Variants in NUBP2 observed in about 807,000 individuals in gnomAD.
The protein encoded by NUBP2 is cytosolic Fe-S cluster assembly factor NUBP2.
Under a neutral mutation model 24.9 loss-of-function variants are expected in NUBP2, and 23 were observed. The ratio of observed to expected loss-of-function variants is 0.92; its 90% CI spans 0.66 to 1.31. The LOEUF is 1.31. Ranked by LOEUF, NUBP2 falls within the 50% of genes most tolerant of loss-of-function variation. NUBP2 has a pLI of 0.00. For synonymous variants in NUBP2, 186 were observed against 170.9 expected (o/e 1.09, Z -0.69); for missense variants, 403 against 386.5 (o/e 1.04, Z -0.36).
rs756352153 is a variant in NUBP2, at chr16:1,785,872, C to T, written c.17-665C>T. The T allele has an allele frequency of 2.6e-5, 33 of 1,289,028 alleles. No homozygotes were observed. The South Asian group carries it at 3.8e-4, about 15-fold the overall frequency. 79.8% of individuals were successfully genotyped at this position (1,289,028 alleles called of 1,614,324 possible). On this transcript the variant is annotated intron_variant, in intron 1 of 6. Transcript: ENST00000262302. Reference sequence around the variant, plus strand: ...CGGGGATGGAGCAGCTTGCTGGAGACAAGGGGCATGGCCTCAGCGGTGGCG... The same window carrying T: ...CGGGGATGGAGCAGCTTGCTGGAGATAAGGGGCATGGCCTCAGCGGTGGCG...
chr16:1,784,759 G>A (rs1228430511), intron 1 of NUBP2: 2 of 151,328 alleles, frequency 1.3e-5, no homozygotes, highest in African/African-American at 4.8e-5. Context: ...AAAGGCCTAG[G>A]CTGGGCAAGT....
intron 1 of NUBP2, chr16:1,785,871 A>G: frequency 7.8e-7 from 1 of 1,288,922 alleles, no homozygotes; most frequent in Non-Finnish European, 1.0e-6. Context: ...CTTGCTGGAG[A>G]CAAGGGGCAT....
intron 3 of NUBP2, chr16:1,787,434 G>A: frequency 1.7e-6 from 1 of 582,412 alleles, no homozygotes; most frequent in Non-Finnish European, 3.0e-6. Flanking sequence ...GCCTCGGGGA[G>A]TCAGCGGGGG....
At chr16:1,787,008 G>T in intron 3 of NUBP2, 53 bp downstream of exon 3, 1 of 1,440,202 alleles carries the variant, frequency 6.9e-7, no homozygotes, top group East Asian at 2.4e-5. Context: ...TAGCGTCCGT[G>T]CCGGCCTCTC....
intron 1 of NUBP2, chr16:1,783,786 C>CA (rs1896834095): frequency 6.1e-6 from 1 of 164,394 alleles, no homozygotes; most frequent in Admixed American, 6.5e-5. Flanking sequence ...CTCCGCCTCC[C>CA]GGGTTCACGC....
At chr16:1,786,441 C>A in intron 1 of NUBP2, 96 bp from the exon 2 acceptor site, 1 of 1,099,936 alleles carries the variant, frequency 9.1e-7, no homozygotes, top group Non-Finnish European at 1.3e-6. Context: ...CACTGCCCCG[C>A]TCAGAACGTG....
In NUBP2 at chr16:1,787,784, C is replaced by G; in HGVS notation, c.442C>G (p.Leu148Val). 6.2e-7 allele frequency: 1 copy of G among 1,612,436 alleles called. No individual in the cohort carries two copies. The highest frequency in any genetic ancestry group is 8.5e-7 in the Non-Finnish European group (1 of 1,179,902). ...SDEHMATIEA[L>V]RPYQPLGALV... ...TGAGCACATGGCCACCATAGAAGCC[C>G]TGCGTCCCTACCAGCCCCTGGGGGC... The change falls in exon 4 of 7, where the codon CTG (leucine) becomes GTG (valine). Residue 148 changes from leucine to valine, a missense_variant. Leu to Val is a conservative substitution (Grantham distance 32). Coordinates refer to ENST00000262302, the MANE Select transcript of NUBP2 (RefSeq NM_012225.4).
At position 1,786,903 on chromosome 16, in the gene NUBP2, C is replaced by T; in HGVS notation, c.282C>T (p.Phe94=). 1 of 1,553,612 alleles carries T rather than the reference C, an allele frequency of 6.4e-7. No homozygotes were observed. The highest frequency in any genetic ancestry group is 8.7e-7 in the Non-Finnish European group (1 of 1,144,774). The change falls in exon 3 of 7, where the codon TTC becomes TTT. Residue 94 remains phenylalanine (F), a synonymous_variant. Transcript: ENST00000262302. ...GCATCTCGCTCATGTCTGTGGGCTT[C>T]CTGCTGGAGAAGCCGGACGAGGCCG... is the stretch of plus-strand genomic sequence containing the variant. The part of the protein sequence containing the change: ...EQSISLMSVG[F]LLEKPDEAVV...
Position 1,786,943 on chromosome 16 carries a change from C to T in NUBP2, c.322C>T (p.Pro108Ser). The change falls in exon 3 of 7, where the codon CCC (proline) becomes TCC (serine). Residue 108 changes from proline (P) to serine (S), a missense_variant. By Grantham distance (74) the Pro-to-Ser change is moderately conservative. Coordinates refer to ENST00000262302, the MANE Select transcript of NUBP2 (RefSeq NM_012225.4). Reference protein sequence around the residue: ...KPDEAVVWRGPKKNALIKQFV... With the variant: ...KPDEAVVWRGSKKNALIKQFV... ...GGACGAGGCCGTGGTGTGGAGAGGC[C>T]CCAAGAAAAACGGTAACGGCCGGGC... The T allele has an allele frequency of 6.6e-7, 1 of 1,518,680 alleles. No homozygotes were observed. The highest frequency in any genetic ancestry group is 1.3e-5 in the South Asian group (1 of 78,330). The allele number at this position is 1,518,680 out of a possible 1,614,324, so 94.1% of individuals were successfully genotyped here. A position where few individuals can be genotyped will look rare whatever the true frequency, so the allele number is the denominator to read the frequency against.
At chr16:1,785,848 G>A (rs955152789) in intron 1 of NUBP2, 12 of 1,289,000 alleles carry the variant, frequency 9.3e-6, no homozygotes, top group East Asian at 1.1e-4. Context: ...AGGACCTGTC[G>A]GGGATGGAGC....
At chr16:1,783,257 C>T in intron 1 of NUBP2, 2 of 1,160,628 alleles carry the variant, frequency 1.7e-6, no homozygotes, top group African/African-American at 1.6e-5. Flanking sequence ...CTCGGAGGGC[C>T]TGAGTCGTGG....
chr16:1,788,817 G>T lies in NUBP2; in HGVS notation c.*103G>T. 5 of 1,390,290 alleles carry T rather than the reference G, an allele frequency of 3.6e-6. No individual in the cohort carries two copies. The highest frequency in any genetic ancestry group is 4.8e-6 in the Non-Finnish European group (5 of 1,052,390). The allele number at this position is 1,390,290 out of a possible 1,614,324, so 86.1% of individuals were successfully genotyped here. ...TCGGTTCCCGGGCCCTGCAGGGGCAGGCCCAGGCAGCGTCAGCCGGAGAGC... is the reference window on the plus strand; with the variant it reads ...TCGGTTCCCGGGCCCTGCAGGGGCATGCCCAGGCAGCGTCAGCCGGAGAGC... On this transcript the variant is annotated 3_prime_UTR_variant, in exon 7 of 7. Transcript: ENST00000262302.
intron 1 of NUBP2, chr16:1,785,950 G>GTGT (rs1393095022): frequency 8.0e-7 from 1 of 1,249,928 alleles, no homozygotes; most frequent in Admixed American, 2.5e-5. Context: ...AGCAGCCCCT[G>GTGT]CCGTGTGGCA....
rs547742553 is a variant in NUBP2, at chr16:1,783,120, G to T, written c.16+84G>T. The T allele has an allele frequency of 4.9e-5, 59 of 1,213,284 alleles. No individual in the cohort carries two copies. In the East Asian group the frequency reaches 1.9e-3, roughly 39 times the overall value. The allele number at this position is 1,213,284 out of a possible 1,614,324, so 75.2% of individuals were successfully genotyped here. ...TCCCTTCCCGGGGCGGCCTCGCTGC[G>T]TCGCGCGCCTCCGGTGCGACCATCA... On this transcript the variant is annotated intron_variant, in intron 1 of 6. Coordinates refer to ENST00000262302, the MANE Select transcript of NUBP2 (RefSeq NM_012225.4).
Position 1,788,773 on chromosome 16 carries a change from G to C in NUBP2, c.*59G>C, listed in dbSNP as rs1395280563. Reference sequence around the variant, plus strand: ...CCAAGGGCTCTGCTCCAGCCTCTCAGAGAAACAGAGGCCTGGGCTCGGTTC... The same window carrying C: ...CCAAGGGCTCTGCTCCAGCCTCTCACAGAAACAGAGGCCTGGGCTCGGTTC... On this transcript the variant is annotated 3_prime_UTR_variant, in exon 7 of 7. Coordinates refer to ENST00000262302, the MANE Select transcript of NUBP2 (RefSeq NM_012225.4). 6.5e-7 allele frequency: 1 copy of C among 1,546,084 alleles called. No individual in the cohort carries two copies. Among genetic ancestry groups the C allele is most frequent in the Non-Finnish European group, 8.7e-7 (1 of 1,145,736 alleles).
chr16:1,784,147 G>A, intron 1 of NUBP2: 1 of 579,048 alleles, frequency 1.7e-6, no homozygotes, highest in African/African-American at 2.1e-5. Context: ...CTGAAGTGCA[G>A]TGGCACGATC....
At chr16:1,783,323 G>A in intron 1 of NUBP2, 1 of 1,119,186 alleles carries the variant, frequency 8.9e-7, no homozygotes, top group Non-Finnish European at 1.1e-6. Flanking sequence ...AGGCGGGCGC[G>A]GTGGCGCCTG....
intron 6 of NUBP2, 147 bp from the exon 7 acceptor site, chr16:1,788,422 G>C (rs1897093367): frequency 7.7e-7 from 1 of 1,293,466 alleles, no homozygotes; most frequent in South Asian, 1.6e-5. Context: ...CCAGCCTGCT[G>C]GGAGGGCCGC....
chr16:1,783,809 G>T lies in NUBP2; in HGVS notation c.16+773G>T, dbSNP rs534237154. 6.5e-4 allele frequency: 110 copies of T among 169,352 alleles called. 1 individual carries two copies. The South Asian group carries it at 0.019, about 29-fold the overall frequency. 10.5% of individuals were successfully genotyped at this position (169,352 alleles called of 1,614,324 possible). On this transcript the variant is annotated intron_variant, in intron 1 of 6. Transcript: ENST00000262302. Reference sequence around the variant, plus strand: ...CCCGGGTTCACGCCATTCTCCTGCCGCAGCCTCCCGAGTAGCTGTGACTAC... The same window carrying T: ...CCCGGGTTCACGCCATTCTCCTGCCTCAGCCTCCCGAGTAGCTGTGACTAC...
Sources: gnomAD v4.1 joint callset for allele counts on GRCh38, gnomAD v4.1.1 for gene constraint, MANE v1.5 for transcripts, NCBI Gene and HGNC (gene_info 2026-07-23, HGNC 2026-07-21) for gene names.